Variants in PRDM6 observed in about 807,000 individuals in gnomAD.
The protein encoded by PRDM6 is putative histone-lysine N-methyltransferase PRDM6.
PRDM6 carries 25 observed loss-of-function variants against 60.8 expected under a neutral mutation model. That is an observed-to-expected ratio of 0.41 (90% CI 0.30 to 0.57). PRDM6 has a LOEUF of 0.57. Ranked by LOEUF, PRDM6 falls within the 20% of genes least tolerant of loss-of-function variation. The pLI is 0.27. For missense variants in PRDM6, 839 were observed against 821.3 expected, an observed-to-expected ratio of 1.02 and a Z score of -0.26; for synonymous variants, 407 against 357.4, an observed-to-expected ratio of 1.14 and a Z score of -1.57.
chr5:123,145,044 T>C (rs1228400581), intron 3 of PRDM6, among the ~76,000 whole-genome samples: 1 of 152,206 alleles, frequency 6.6e-6, no homozygotes, highest in Non-Finnish European at 1.5e-5. Context: ...AGGGATACCA[T>C]GGCAAACAAG....
chr5:123,095,550 G>A (rs1297473638), intron 2 of PRDM6, among the ~76,000 whole-genome samples: 9 of 152,252 alleles, frequency 5.9e-5, no homozygotes, highest in Non-Finnish European at 1.0e-4. Flanking sequence ...CGGCACTCCC[G>A]GGTCCTAGTC....
chr5:123,185,641 A>G (rs1004968850), intron 7 of PRDM6, among the ~76,000 whole-genome samples: 11 of 152,170 alleles, frequency 7.2e-5, no homozygotes, highest in Admixed American at 3.3e-4. Flanking sequence ...CCCGAAAGAC[A>G]ATCAAAGAAA....
intron 3 of PRDM6, among the ~76,000 whole-genome samples, chr5:123,152,712 T>C (rs575505724): frequency 3.3e-5 from 5 of 152,334 alleles, no homozygotes; most frequent in African/African-American, 1.2e-4. Context: ...TGTTGTAACG[T>C]GCAACCCTGG....
At chr5:123,174,724 T>C (rs935970619) in intron 6 of PRDM6, among the ~76,000 whole-genome samples, 3 of 152,190 alleles carry the variant, frequency 2.0e-5, no homozygotes, top group African/African-American at 7.2e-5. Context: ...CCTCACCATT[T>C]ATTTTGTTTT....
At chr5:123,102,972 A>G (rs903937234) in intron 3 of PRDM6, among the ~76,000 whole-genome samples, 36 of 152,180 alleles carry the variant, frequency 2.4e-4, no homozygotes, top group Non-Finnish European at 5.0e-4. Context: ...AATCATTAGA[A>G]GCTCTATTTT....
At chr5:123,121,733 C>T (rs957190652) in intron 3 of PRDM6, among the ~76,000 whole-genome samples, 17 of 152,224 alleles carry the variant, frequency 1.1e-4, no homozygotes, top group African/African-American at 4.1e-4. Context: ...CTCTTCCTTC[C>T]CCCCCAAATA....
chr5:123,095,966 T>C (rs1156987391), intron 2 of PRDM6, among the ~76,000 whole-genome samples: 2 of 151,992 alleles, frequency 1.3e-5, no homozygotes, highest in South Asian at 4.2e-4. Context: ...TTAAAGACAT[T>C]GAAACAACAC....
chr5:123,176,686 C>T (rs965908330), intron 6 of PRDM6, among the ~76,000 whole-genome samples: 2 of 152,132 alleles, frequency 1.3e-5, no homozygotes, highest in African/African-American at 2.4e-5. Flanking sequence ...GTACTCCAGC[C>T]TGGGCAACAG....
At chr5:123,104,389 TTTAAA>T (rs1281316123) in intron 3 of PRDM6, among the ~76,000 whole-genome samples, 2 of 152,102 alleles carry the variant, frequency 1.3e-5, no homozygotes, top group Non-Finnish European at 2.9e-5. Flanking sequence ...AAAAAATTAT[TTTAAA>T]TTAATCATTT....
Position 123,170,820 on chromosome 5 carries a change from C to A in PRDM6, c.1208C>A (p.Pro403His). ...ATGTGCAGACAAGACGCCCTGCAGC[C>A]CTTCAACAAAAGCAGCAAACTCGCC... is the stretch of plus-strand genomic sequence containing the variant. ...EAMCRQDALQ[P>H]FNKSSKLAPT... is the part of the protein sequence containing the mutation. Residue 403 changes from proline (P) to histidine (H), a missense_variant, in exon 6 of 8, where the codon CCC (proline) becomes CAC (histidine). Pro to His is a moderately conservative substitution (Grantham distance 77). This residue lies in a region of PRDM6 where 730 missense variants were observed against 648.8 expected (regional missense o/e 1.13). Transcript: ENST00000407847. The A allele has an allele frequency of 6.4e-7, 1 of 1,552,150 alleles. No individual in the cohort carries two copies. Among genetic ancestry groups the A allele is most frequent in the Non-Finnish European group, 8.7e-7 (1 of 1,147,088 alleles).
intron 3 of PRDM6, among the ~76,000 whole-genome samples, chr5:123,118,798 T>C (rs1349357691): frequency 6.6e-6 from 1 of 152,216 alleles, no homozygotes; most frequent in Non-Finnish European, 1.5e-5. Context: ...AGCAATTTTC[T>C]GCCCTAGAAT....
At chr5:123,150,726 G>A (rs921363347) in intron 3 of PRDM6, among the ~76,000 whole-genome samples, 1 of 152,130 alleles carries the variant, frequency 6.6e-6, no homozygotes, top group African/African-American at 2.4e-5. Context: ...TCTGAGAAAC[G>A]GTGTCTTTTT....
chr5:123,148,297 T>G (rs1352459910), intron 3 of PRDM6, among the ~76,000 whole-genome samples: 1 of 152,192 alleles, frequency 6.6e-6, no homozygotes, highest in Non-Finnish European at 1.5e-5. Flanking sequence ...CATTACTCAC[T>G]TATTTTATGG....
intron 2 of PRDM6, among the ~76,000 whole-genome samples, chr5:123,095,383 C>G (rs777814129): frequency 2.0e-5 from 3 of 152,252 alleles, no homozygotes; most frequent in Non-Finnish European, 4.4e-5. Context: ...TAGCCTATAG[C>G]TCGAGAAGGC....
intron 2 of PRDM6, among the ~76,000 whole-genome samples, chr5:123,097,449 T>C (rs1011414732): frequency 1.3e-5 from 2 of 152,202 alleles, no homozygotes; most frequent in Non-Finnish European, 2.9e-5. Flanking sequence ...CTCTGCCACT[T>C]TCTAGCTTCT....
At chr5:123,147,985 C>T (rs1321243933) in intron 3 of PRDM6, among the ~76,000 whole-genome samples, 2 of 152,234 alleles carry the variant, frequency 1.3e-5, no homozygotes, top group East Asian at 3.8e-4. Context: ...TAACTTGACA[C>T]TTAGCAGTAG....
At chr5:123,105,703 C>G (rs912154610) in intron 3 of PRDM6, among the ~76,000 whole-genome samples, 3 of 152,108 alleles carry the variant, frequency 2.0e-5, no homozygotes, top group African/African-American at 7.2e-5. Context: ...TTCTTTCATT[C>G]TTTTTTAGGA....
chr5:123,155,907 A>G lies in PRDM6; in HGVS notation c.924A>G (p.Leu308=). 1.3e-6 allele frequency: 2 copies of G among 1,551,546 alleles called. No homozygotes were observed. Among genetic ancestry groups the G allele is most frequent in the Non-Finnish European group, 1.7e-6 (2 of 1,146,880 alleles). Residue 308 remains leucine (L), a synonymous_variant, in exon 4 of 8, where the codon CTA becomes CTG. Coordinates refer to ENST00000407847, the MANE Select transcript of PRDM6 (RefSeq NM_001136239.4). ...AGATATATGACCAGGATGGGACACT[A>G]CAGCACTTTATTGATGGTGGGGAAC... ...LWEIYDQDGT[L]QHFIDGGEPS... is the part of the protein sequence containing the mutation.
intron 6 of PRDM6, 84 bp downstream of exon 6, chr5:123,171,192 C>G (rs1176640395): frequency 6.4e-6 from 7 of 1,090,336 alleles, no homozygotes; most frequent in Non-Finnish European, 9.1e-6. Flanking sequence ...AGCACCTCCA[C>G]AGGGGAAGCC....
Sources: allele counts gnomAD v4.1 joint callset (sites outside exome capture counted in the v4.1 genomes callset), GRCh38; gene constraint gnomAD v4.1.1; regional missense constraint gnomAD v4.1.1; transcripts MANE v1.5; gene names NCBI Gene and HGNC (gene_info 2026-07-23, HGNC 2026-07-21).